The following DENND2C variants were observed in gnomAD, a reference collection of about 807,000 sequenced individuals.
The protein encoded by DENND2C is DENN domain-containing protein 2C.
In DENND2C, 72 loss-of-function variants were observed where a neutral mutation model predicts 112.4. The ratio of observed to expected loss-of-function variants is 0.64; its 90% CI spans 0.53 to 0.78. The LOEUF (loss-of-function observed/expected upper bound fraction) is 0.78. Ranked by LOEUF, DENND2C falls within the 30% of genes least tolerant of loss-of-function variation. The pLI, the probability that DENND2C is intolerant of heterozygous loss-of-function variation, is 0.00. For synonymous variants in DENND2C, 329 were observed against 381.6 expected (o/e 0.86, Z 1.61); for missense variants, 992 against 1,113.8 (o/e 0.89, Z 1.56).
intron 8 of DENND2C, among the ~76,000 whole-genome samples, chr1:114,613,578 G>A (rs1427203910): frequency 6.6e-6 from 1 of 152,104 alleles, no homozygotes; most frequent in African/African-American, 2.4e-5. Context: ...AACACTGTGA[G>A]CTCCTGGTCC....
chr1:114,605,068 CT>C, intron 10 of DENND2C, 37 bp from the exon 11 acceptor site: 1 of 1,447,044 alleles, frequency 6.9e-7, no homozygotes, highest in African/African-American at 1.4e-5. Context: ...TTAAATTATA[CT>C]ATGTAAGTGG....
chr1:114,651,801 G>C (rs532287423), intron 2 of DENND2C, among the ~76,000 whole-genome samples: 1 of 152,182 alleles, frequency 6.6e-6, no homozygotes, highest in African/African-American at 2.4e-5. Flanking sequence ...GCCCTAATTA[G>C]GCAAAGCAGA....
rs1028476697 is a variant in DENND2C, at chr1:114,645,487, A to G, written c.-244T>C. Reference sequence around the variant, plus strand: ...GATGTTAGATTTCTACAGCCTCCAGACTTGTGAGAATATCAATCTCTGGCG... The same window carrying G: ...GATGTTAGATTTCTACAGCCTCCAGGCTTGTGAGAATATCAATCTCTGGCG... On this transcript the variant is annotated 5_prime_UTR_variant, in exon 3 of 21. Coordinates refer to ENST00000393274, the MANE Select transcript of DENND2C (RefSeq NM_001256404.2). 1 of 152,190 alleles carries G rather than the reference A, an allele frequency of 6.6e-6. No homozygotes were observed. The highest frequency in any genetic ancestry group is 1.5e-5 in the Non-Finnish European group (1 of 68,026). The allele number at this position is 152,190 out of a possible 1,614,324, so 9.4% of individuals were successfully genotyped here.
intron 3 of DENND2C, among the ~76,000 whole-genome samples, chr1:114,643,844 C>T (rs1343259142): frequency 5.8e-5 from 2 of 34,464 alleles, no homozygotes; most frequent in African/African-American, 3.1e-4. Flanking sequence ...AAAATGATAG[C>T]TGACATATGC....
chr1:114,626,713 T>C (rs1158423023), intron 3 of DENND2C, among the ~76,000 whole-genome samples: 3 of 151,994 alleles, frequency 2.0e-5, no homozygotes, highest in South Asian at 2.1e-4. Flanking sequence ...AGTTTCTCCA[T>C]GTTGCCCAGG....
chr1:114,620,497 A>G (rs1656134908), intron 7 of DENND2C, among the ~76,000 whole-genome samples: 1 of 152,166 alleles, frequency 6.6e-6, no homozygotes, highest in Non-Finnish European at 1.5e-5. Flanking sequence ...TAATTCCTAA[A>G]TATTTGTTAA....
In DENND2C at chr1:114,585,363, G is replaced by A. The variant is rs1028436497; in HGVS notation, c.*237C>T. ...GCCCAAGAATCACATAGAAAAGGCT[G>A]CTATAAAAAAAAAATGGAGACAGAG... On this transcript the variant is annotated 3_prime_UTR_variant, in exon 21 of 21. Transcript: ENST00000393274. 8.9e-6 allele frequency: 4 copies of A among 447,422 alleles called. No individual in the cohort carries two copies. In the East Asian group the frequency reaches 1.3e-4, roughly 15 times the overall value. 27.7% of individuals were successfully genotyped at this position (447,422 alleles called of 1,614,324 possible).
intron 3 of DENND2C, among the ~76,000 whole-genome samples, chr1:114,627,778 T>C (rs1267210291): frequency 6.6e-6 from 1 of 152,120 alleles, no homozygotes; most frequent in Non-Finnish European, 1.5e-5. Context: ...TTGCTTCTGG[T>C]ATTTATAAGG....
Position 114,594,583 on chromosome 1 carries a change from A to G in DENND2C, c.2326-5T>C. The G allele has an allele frequency of 6.2e-7, 1 of 1,608,342 alleles. No individual in the cohort carries two copies. On this transcript the variant is annotated splice_polypyrimidine_tract_variant and splice_region_variant and intron_variant, in intron 17 of 20. Transcript: ENST00000393274. The stretch of plus-strand genomic sequence containing the variant: ...AATTTCATCCTCATCAGATACCTTA[A>G]GAAGAAAAAAAAATGGAGATTTTTC...
intron 3 of DENND2C, among the ~76,000 whole-genome samples, chr1:114,627,728 A>G (rs765673234): frequency 2.0e-5 from 3 of 152,196 alleles, no homozygotes; most frequent in African/African-American, 4.8e-5. Flanking sequence ...TTAAAGATCT[A>G]ATCTGCTACT....
chr1:114,655,660 T>G (rs1313443936), intron 1 of DENND2C, among the ~76,000 whole-genome samples: 2 of 151,936 alleles, frequency 1.3e-5, no homozygotes, highest in Non-Finnish European at 2.9e-5. Flanking sequence ...ATCTTTGTAT[T>G]TTCAGGAAAG....
chr1:114,624,298 A>G (rs1426828281), intron 4 of DENND2C, among the ~76,000 whole-genome samples: 1 of 151,980 alleles, frequency 6.6e-6, no homozygotes, highest in Non-Finnish European at 1.5e-5. Flanking sequence ...TTTGAATTTA[A>G]TTTTTATTTT....
intron 3 of DENND2C, among the ~76,000 whole-genome samples, chr1:114,633,201 CT>C (rs201646439): frequency 0.01 from 1,549 of 152,050 alleles, 30 homozygotes; most frequent in African/African-American, 0.035. Context: ...AATCCCAGCA[CT>C]TTGGGAGGCA....
At chr1:114,588,888 C>T (rs532575582) in intron 18 of DENND2C, among the ~76,000 whole-genome samples, 2 of 152,122 alleles carry the variant, frequency 1.3e-5, no homozygotes, top group African/African-American at 4.8e-5. Context: ...AGCCACCATG[C>T]CTGGCTGACA....
intron 18 of DENND2C, among the ~76,000 whole-genome samples, chr1:114,592,638 T>C (rs1655226000): frequency 6.6e-6 from 1 of 152,136 alleles, no homozygotes; most frequent in South Asian, 2.1e-4. Flanking sequence ...GAGGATTGCT[T>C]GTGCTCAGGA....
At chr1:114,660,887 C>A (rs146240345) in intron 1 of DENND2C, among the ~76,000 whole-genome samples, 1 of 151,902 alleles carries the variant, frequency 6.6e-6, no homozygotes. Flanking sequence ...CCGAGGCAGG[C>A]AGATCACAAG....
At chr1:114,655,264 C>G (rs2101693055) in intron 1 of DENND2C, among the ~76,000 whole-genome samples, 1 of 152,252 alleles carries the variant, frequency 6.6e-6, no homozygotes, top group East Asian at 1.9e-4. Context: ...CTCTGTGTCC[C>G]ATTAGAAAAT....
intron 10 of DENND2C, among the ~76,000 whole-genome samples, chr1:114,607,066 G>A (rs1655677644): frequency 6.6e-6 from 1 of 152,220 alleles, no homozygotes; most frequent in Non-Finnish European, 1.5e-5. Flanking sequence ...GCCAGGGGGA[G>A]AAAGTGGCAG....
Position 114,669,986 on chromosome 1 carries a change from T to G in DENND2C, c.-577A>C, listed in dbSNP as rs1187501025. The G allele has an allele frequency of 6.6e-6, 1 of 152,626 alleles. No individual in the cohort carries two copies. The highest frequency in any genetic ancestry group is 2.1e-4 in the South Asian group (1 of 4,836). 9.5% of individuals were successfully genotyped at this position (152,626 alleles called of 1,614,324 possible). A position where few individuals can be genotyped will look rare whatever the true frequency, so the allele number is the denominator to read the frequency against. ...GCCGAATCACCCCGACTCTTACCTG[T>G]CTGTACCTCAACGTTGTCTCCTGTG... is the stretch of plus-strand genomic sequence containing the variant. On this transcript the variant is annotated 5_prime_UTR_variant, in exon 1 of 21. Transcript: ENST00000393274.
Sources: gnomAD v4.1 joint callset for allele counts (sites outside exome capture counted in the v4.1 genomes callset) on GRCh38, gnomAD v4.1.1 for gene constraint, MANE v1.5 for transcripts, NCBI Gene and HGNC (gene_info 2026-07-23, HGNC 2026-07-21) for gene names.